Variants in RIMS2 observed in about 807,000 individuals in gnomAD.
RIMS2 encodes regulating synaptic membrane exocytosis 2.
In RIMS2, 59 loss-of-function variants were observed where a neutral mutation model predicts 174.4. The ratio of observed to expected loss-of-function variants is 0.34; its 90% CI spans 0.27 to 0.42. The LOEUF (loss-of-function observed/expected upper bound fraction) is 0.42, where lower values mean the gene tolerates loss of function less well. Ranked by LOEUF, RIMS2 falls within the 10% of genes least tolerant of loss-of-function variation. The probability of loss-of-function intolerance (pLI) is 1.00; values close to 1 mark genes in which losing one functional copy is unlikely to be tolerated. For missense variants in RIMS2, 1,620 were observed against 1,666.3 expected, an observed-to-expected ratio of 0.97 and a Z score of 0.48; for synonymous variants, 606 against 572.5, an observed-to-expected ratio of 1.06 and a Z score of -0.84.
intron 1 of RIMS2, among the ~76,000 whole-genome samples, chr8:103,554,548 G>C (rs1849556857): frequency 6.6e-6 from 1 of 152,190 alleles, no homozygotes; most frequent in Admixed American, 6.5e-5. Context: ...ATGCTGGTTA[G>C]GTTGTGTAGA....
intron 1 of RIMS2, among the ~76,000 whole-genome samples, chr8:103,607,381 T>G (rs2095157022): frequency 6.6e-6 from 1 of 152,188 alleles, no homozygotes; most frequent in South Asian, 2.1e-4. Context: ...GCTGTTAGTC[T>G]GATGGGCTTC....
chr8:104,040,619 G>C (rs967583242), intron 19 of RIMS2, among the ~76,000 whole-genome samples: 2 of 151,650 alleles, frequency 1.3e-5, no homozygotes, highest in African/African-American at 4.8e-5. Context: ...GGCATTAAAA[G>C]GGAATATGAT....
In RIMS2 at chr8:103,595,290, A is replaced by G. The variant is rs573603848; in HGVS notation, c.176+94228A>G. Among the ~76,000 whole-genome samples, 109 of 152,024 alleles carry G rather than the reference A, an allele frequency of 7.2e-4. 1 individual carries two copies. The highest frequency in any genetic ancestry group is 4.1e-3 in the Admixed American group (63 of 15,228). ...TGCAATTAATCCTCATCATATAAACACATATTCTAGTTTATGTATATTTTC... is the reference window on the plus strand; with the variant it reads ...TGCAATTAATCCTCATCATATAAACGCATATTCTAGTTTATGTATATTTTC... On this transcript the variant is annotated intron_variant, in intron 1 of 23. Coordinates refer to ENST00000504942, the Ensembl canonical transcript of RIMS2.
At chr8:103,600,351 C>A (rs887392291) in intron 1 of RIMS2, among the ~76,000 whole-genome samples, 7 of 152,100 alleles carry the variant, frequency 4.6e-5, no homozygotes, top group Non-Finnish European at 8.8e-5. Context: ...CTCACTGTAA[C>A]CTCTGCCTCC....
At chr8:103,863,771 C>T (rs190164901) in intron 3 of RIMS2, among the ~76,000 whole-genome samples, 36 of 151,942 alleles carry the variant, frequency 2.4e-4, no homozygotes, top group Admixed American at 1.3e-3. Flanking sequence ...TCTTTAGTAT[C>T]AGTTGTAATG....
At chr8:103,894,602 C>T (rs1334992615) in intron 4 of RIMS2, among the ~76,000 whole-genome samples, 1 of 151,454 alleles carries the variant, frequency 6.6e-6, no homozygotes, top group Non-Finnish European at 1.5e-5. Flanking sequence ...GATCAAATAC[C>T]TCTTATTACA....
chr8:103,808,712 T>A (rs57397838), intron 3 of RIMS2, among the ~76,000 whole-genome samples: 1 of 152,056 alleles, frequency 6.6e-6, no homozygotes. Context: ...CTATCTTGAC[T>A]GTGACCAATC....
At chr8:104,087,530 C>T (rs2097558124) in intron 19 of RIMS2, among the ~76,000 whole-genome samples, 1 of 152,072 alleles carries the variant, frequency 6.6e-6, no homozygotes, top group Non-Finnish European at 1.5e-5. Context: ...GAGGAGGTGA[C>T]ATCTTAAACT....
chr8:103,558,298 T>TGTTG (rs2090899991), intron 1 of RIMS2, among the ~76,000 whole-genome samples: 1 of 152,176 alleles, frequency 6.6e-6, no homozygotes, highest in South Asian at 2.1e-4. Context: ...CTCGGCTCAC[T>TGTTG]GCAACCTCTG....
intron 15 of RIMS2, among the ~76,000 whole-genome samples, chr8:103,971,186 A>G (rs2092827066): frequency 6.6e-6 from 1 of 152,230 alleles, no homozygotes; most frequent in African/African-American, 2.4e-5. Context: ...CTGAAACAAT[A>G]CACACAAATG....
At chr8:104,014,386 T>C (rs1336427002) in intron 18 of RIMS2, 120 bp from the exon 21 acceptor site, 2 of 544,128 alleles carry the variant, frequency 3.7e-6, no homozygotes, top group African/African-American at 3.7e-5. Flanking sequence ...CCTAACCTTT[T>C]AATCTGCAGC....
At chr8:104,073,772 T>C (rs968453687) in intron 19 of RIMS2, among the ~76,000 whole-genome samples, 1 of 152,236 alleles carries the variant, frequency 6.6e-6, no homozygotes, top group Admixed American at 6.5e-5. Flanking sequence ...CTATATCCTG[T>C]CGCTTTTTCC....
intron 14 of RIMS2, among the ~76,000 whole-genome samples, chr8:103,953,490 C>T (rs569328101): frequency 1.6e-4 from 24 of 152,232 alleles, no homozygotes; most frequent in African/African-American, 5.5e-4. Context: ...ATTTTCATAT[C>T]CAGCCAAACT....
intron 16 of RIMS2, among the ~76,000 whole-genome samples, chr8:103,985,936 A>G (rs191982135): frequency 5.9e-4 from 90 of 152,322 alleles, no homozygotes; most frequent in Non-Finnish European, 1.1e-3. Context: ...GAAGCAGAGA[A>G]AAGAGCCTGG....
chr8:104,199,546 A>G (rs956493048), intron 19 of RIMS2, among the ~76,000 whole-genome samples: 1 of 152,206 alleles, frequency 6.6e-6, no homozygotes, highest in Non-Finnish European at 1.5e-5. Flanking sequence ...TCAGTATGCC[A>G]GACTGGTACA....
intron 1 of RIMS2, among the ~76,000 whole-genome samples, chr8:103,507,852 C>A (rs1247374524): frequency 6.6e-6 from 1 of 151,964 alleles, no homozygotes; most frequent in Non-Finnish European, 1.5e-5. Context: ...ATAAAGAGTA[C>A]ACAGAAGGCT....
intron 17 of RIMS2, among the ~76,000 whole-genome samples, chr8:103,994,050 CA>C (rs536495624): frequency 0.44 from 38,932 of 88,324 alleles, 5,426 homozygotes; most frequent in Non-Finnish European, 0.48. Flanking sequence ...GACCCTGTCT[CA>C]AAAAAAAAAA....
At chr8:103,940,818 G>A (rs1331813859) in intron 13 of RIMS2, among the ~76,000 whole-genome samples, 2 of 150,932 alleles carry the variant, frequency 1.3e-5, no homozygotes, top group Non-Finnish European at 2.9e-5. Flanking sequence ...GGAGCTTGCA[G>A]TGAGCCAGGA....
At chr8:103,656,515 C>T (rs2096533798) in intron 1 of RIMS2, among the ~76,000 whole-genome samples, 1 of 152,078 alleles carries the variant, frequency 6.6e-6, no homozygotes, top group African/African-American at 2.4e-5. Flanking sequence ...TTCCTACTCT[C>T]AAATAGTTCA....
Sources: allele counts gnomAD v4.1 joint callset (sites outside exome capture counted in the v4.1 genomes callset), GRCh38; gene constraint gnomAD v4.1.1; transcripts MANE v1.5; gene names NCBI Gene and HGNC (gene_info 2026-07-23, HGNC 2026-07-21).